The following SCARA3 variants were observed in gnomAD, a reference collection of about 807,000 sequenced individuals.
The protein encoded by SCARA3 is scavenger receptor class A member 3.
A neutral mutation model predicts 47.0 loss-of-function variants in SCARA3; 39 were observed. The observed-to-expected ratio is 0.83, with a 90% CI of 0.64 to 1.08. The LOEUF (loss-of-function observed/expected upper bound fraction) is 1.08. Among genes scored for constraint, SCARA3 ranks in the 50% least tolerant of loss-of-function variants. The pLI is 0.00. For synonymous variants in SCARA3, 356 were observed against 334.1 expected (o/e 1.07, Z -0.71); for missense variants, 724 against 792.3 (o/e 0.91, Z 1.04).
chr8:27,719,105 C>G, the SCARA3 span, among the ~76,000 whole-genome samples: 3 of 152,128 alleles, frequency 2.0e-5, no homozygotes, highest in African/African-American at 7.2e-5. Context: ...GAAATAGCAG[C>G]AAGCTTGGTC....
intron 1 of SCARA3, among the ~76,000 whole-genome samples, chr8:27,646,201 G>A (rs1275083345): frequency 2.0e-5 from 3 of 152,146 alleles, no homozygotes; most frequent in South Asian, 2.1e-4. Flanking sequence ...GAGGGAAGAT[G>A]GCCAAACACC....
chr8:27,634,071 C>G lies in SCARA3; in HGVS notation c.-130C>G, dbSNP rs1218094280. On this transcript the variant is annotated 5_prime_UTR_variant, in exon 1 of 6. Transcript: ENST00000301904. ...CGCGCGCCGGAGCATGAGTCCCGGC[C>G]GGAGCCCCACGGCCGCGGGCGGCGC... 5 of 780,114 alleles carry G rather than the reference C, an allele frequency of 6.4e-6. No individual in the cohort carries two copies. Among genetic ancestry groups the G allele is most frequent in the Non-Finnish European group, 9.0e-6 (5 of 558,248 alleles). 48.3% of individuals were successfully genotyped at this position (780,114 alleles called of 1,614,324 possible).
chr8:27,694,313 C>T, the SCARA3 span, among the ~76,000 whole-genome samples: 14 of 152,082 alleles, frequency 9.2e-5, no homozygotes, highest in Non-Finnish European at 1.6e-4. Flanking sequence ...AGTTCTCTCC[C>T]ACTGAATATC....
chr8:27,637,579 C>T (rs36098271), intron 1 of SCARA3, among the ~76,000 whole-genome samples: 378 of 152,088 alleles, frequency 2.5e-3, no homozygotes, highest in East Asian at 0.013. Context: ...ACTTGGGGAG[C>T]GGAAGTGACT....
At chr8:27,690,559 C>G in the SCARA3 span, among the ~76,000 whole-genome samples, 3 of 152,078 alleles carry the variant, frequency 2.0e-5, no homozygotes, top group African/African-American at 7.2e-5. Flanking sequence ...AATTATGTGA[C>G]TGTTAAAAAG....
At chr8:27,700,955 T>A in the SCARA3 span, among the ~76,000 whole-genome samples, 2 of 152,162 alleles carry the variant, frequency 1.3e-5, no homozygotes, top group Non-Finnish European at 2.9e-5. Context: ...GAAATGAAAA[T>A]GTTTTTCTAT....
chr8:27,647,557 G>A (rs1164490266), intron 1 of SCARA3, among the ~76,000 whole-genome samples: 1 of 152,184 alleles, frequency 6.6e-6, no homozygotes, highest in African/African-American at 2.4e-5. Context: ...GCCGGCCACT[G>A]TGCTAGGGAT....
chr8:27,676,036 T>C (rs1802272367), downstream of SCARA3, among the ~76,000 whole-genome samples: 1 of 152,226 alleles, frequency 6.6e-6, no homozygotes, highest in Non-Finnish European at 1.5e-5. Flanking sequence ...TCAATTAATC[T>C]TCACAAGCAA....
chr8:27,668,546 C>CAA (rs61162841), intron 5 of SCARA3, among the ~76,000 whole-genome samples: 6 of 69,850 alleles, frequency 8.6e-5, no homozygotes, highest in South Asian at 6.5e-4. Flanking sequence ...GACTCCGTCT[C>CAA]AAAAAAAAAA....
chr8:27,710,658 C>T, the SCARA3 span, among the ~76,000 whole-genome samples: 12 of 152,108 alleles, frequency 7.9e-5, no homozygotes, highest in African/African-American at 2.7e-4. Context: ...TTCAAATTTC[C>T]GAAATCTACA....
chr8:27,670,556 G>A (rs1399469075), intron 5 of SCARA3, among the ~76,000 whole-genome samples: 1 of 152,192 alleles, frequency 6.6e-6, no homozygotes, highest in Non-Finnish European at 1.5e-5. Context: ...GGTGGGGTGG[G>A]GGTGAATACA....
At chr8:27,673,120 C>T (rs979374403), downstream of SCARA3, 17 of 494,668 alleles carry the variant, frequency 3.4e-5, no homozygotes, top group African/African-American at 3.3e-4. Flanking sequence ...CGAGGGTCCC[C>T]CAAAAATTCA....
Position 27,670,901 on chromosome 8 carries a change from T to C in SCARA3, c.1371T>C (p.Gly457=). The change falls in exon 6 of 6, where the codon GGT becomes GGC. Residue 457 remains glycine (G), a splice_region_variant and synonymous_variant. Transcript: ENST00000301904. ...CTCCCATCTTCTCTCCAACCTCAGG[T>C]GCCCCCGGCCCTCCAGGACCAAGAG... The part of the protein sequence containing the change: ...EILRNVTILR[G]APGPPGPRGF... 1 of 1,519,554 alleles carries C rather than the reference T, an allele frequency of 6.6e-7. No homozygotes were observed. The highest frequency in any genetic ancestry group is 2.3e-5 in the East Asian group (1 of 43,190). 94.1% of individuals were successfully genotyped at this position (1,519,554 alleles called of 1,614,324 possible). A position where few individuals can be genotyped will look rare whatever the true frequency, so the allele number is the denominator to read the frequency against.
chr8:27,633,620 C>A (rs1013958701), upstream of SCARA3, among the ~76,000 whole-genome samples: 1 of 152,184 alleles, frequency 6.6e-6, no homozygotes, highest in African/African-American at 2.4e-5. Context: ...ATTGCGGCCG[C>A]AGCGCGGGCA....
the SCARA3 span, among the ~76,000 whole-genome samples, chr8:27,707,837 AG>A: frequency 7.0e-6 from 1 of 143,448 alleles, no homozygotes; most frequent in Non-Finnish European, 1.5e-5. Context: ...AAAAAAAATA[AG>A]AAGAATGGTA....
intron 4 of SCARA3, 127 bp from the exon 5 acceptor site, chr8:27,658,369 C>A: frequency 2.4e-6 from 2 of 820,902 alleles, no homozygotes; most frequent in Non-Finnish European, 3.8e-6. Flanking sequence ...CATAACAGGA[C>A]TTCTGGAAGG....
chr8:27,726,446 C>A, the SCARA3 span, among the ~76,000 whole-genome samples: 1 of 152,048 alleles, frequency 6.6e-6, no homozygotes, highest in East Asian at 1.9e-4. Flanking sequence ...TGCCTGTGAT[C>A]CCAGCACTTT....
Position 27,634,199 on chromosome 8 carries a change from C to T in SCARA3, c.-2C>T, listed in dbSNP as rs761191284. On this transcript the variant is annotated 5_prime_UTR_variant, in exon 1 of 6. Transcript: ENST00000301904. The stretch of plus-strand genomic sequence containing the variant: ...CCTCCTGAGGCCCCAGAGGAAGAGA[C>T]CATGAAAGGTAAGGGCGGCCTGTCG... 26 of 1,408,360 alleles carry T rather than the reference C, an allele frequency of 1.8e-5. 2 individuals are homozygous for T. The South Asian group carries it at 4.1e-4, about 22-fold the overall frequency. The allele number at this position is 1,408,360 out of a possible 1,614,324, so 87.2% of individuals were successfully genotyped here.
At chr8:27,707,656 T>C in the SCARA3 span, among the ~76,000 whole-genome samples, 1 of 151,386 alleles carries the variant, frequency 6.6e-6, no homozygotes, top group African/African-American at 2.4e-5. Flanking sequence ...TGGAAAGAAA[T>C]TATCAAATAA....
Sources: allele counts gnomAD v4.1 joint callset (sites outside exome capture counted in the v4.1 genomes callset), GRCh38; gene constraint gnomAD v4.1.1; transcripts MANE v1.5; gene names NCBI Gene and HGNC (gene_info 2026-07-23, HGNC 2026-07-21).